Variants in NTM observed in about 807,000 individuals in gnomAD.
The protein encoded by NTM is IgLON family member 2.
A neutral mutation model predicts 42.1 loss-of-function variants in NTM; 13 were observed. The observed-to-expected ratio is 0.31, with a 90% CI of 0.20 to 0.49. The LOEUF (loss-of-function observed/expected upper bound fraction) is 0.49, where lower values mean the gene tolerates loss of function less well. Among genes scored for constraint, NTM ranks in the 20% least tolerant of loss-of-function variants. NTM has a pLI of 0.99. For synonymous variants in NTM, 187 were observed against 179.2 expected, an observed-to-expected ratio of 1.04 and a Z score of -0.35; for missense variants, 373 against 452.8, an observed-to-expected ratio of 0.82 and a Z score of 1.60.
intron 1 of NTM, among the ~76,000 whole-genome samples, chr11:131,563,353 A>T (rs2056467205): frequency 6.6e-6 from 1 of 152,190 alleles, no homozygotes; most frequent in Non-Finnish European, 1.5e-5. Flanking sequence ...ACCATTTGTC[A>T]AGGACGGCAC....
chr11:131,721,779 C>T (rs2078361936), intron 1 of NTM, among the ~76,000 whole-genome samples: 1 of 151,890 alleles, frequency 6.6e-6, no homozygotes, highest in Non-Finnish European at 1.5e-5. Context: ...GGAGGATCGT[C>T]TGAGGTCGGG....
At chr11:131,724,010 C>T (rs1360029657) in intron 1 of NTM, among the ~76,000 whole-genome samples, 1 of 152,162 alleles carries the variant, frequency 6.6e-6, no homozygotes, top group African/African-American at 2.4e-5. Context: ...CCCAGTTTAC[C>T]GTTCCTTTTC....
chr11:131,725,414 G>A (rs907150383), intron 1 of NTM, among the ~76,000 whole-genome samples: 3 of 152,128 alleles, frequency 2.0e-5, no homozygotes, highest in African/African-American at 7.2e-5. Context: ...AACAGGAAGG[G>A]TAGCCTTGGT....
intron 2 of NTM, among the ~76,000 whole-genome samples, chr11:131,996,780 C>T (rs1304302246): frequency 2.0e-5 from 3 of 152,108 alleles, no homozygotes; most frequent in Non-Finnish European, 2.9e-5. Flanking sequence ...GCTGCCAGCC[C>T]CCTCTGAGGC....
chr11:132,116,536 C>T lies in NTM; in HGVS notation c.168-29746C>T, dbSNP rs190057701. ...TGAGTGCCCGCACCTCTTCTCTGGA[C>T]TCTTACTGCATCTTGTACTTAACCA... On this transcript the variant is annotated intron_variant, in intron 2 of 8. Coordinates refer to ENST00000683400, the MANE Select transcript of NTM (RefSeq NM_001352005.2). Among the ~76,000 whole-genome samples, 7 of 152,316 alleles carry T rather than the reference C, an allele frequency of 4.6e-5. No individual in the cohort carries two copies. In the East Asian group the frequency reaches 1.4e-3, roughly 29 times the overall value.
At chr11:131,670,876 T>A (rs2070076886) in intron 1 of NTM, among the ~76,000 whole-genome samples, 1 of 152,164 alleles carries the variant, frequency 6.6e-6, no homozygotes, top group Admixed American at 6.5e-5. Flanking sequence ...GCTCCCTCTG[T>A]GAGCAATCCT....
In NTM at chr11:132,044,551, C is replaced by T. The variant is rs369360232; in HGVS notation, c.168-101731C>T. The stretch of plus-strand genomic sequence containing the variant: ...ATCTTCTCATGAGTCCATATATTTT[C>T]TTATTTCCATGTTCCTGAGGTGGCC... On this transcript the variant is annotated intron_variant, in intron 2 of 8. Coordinates refer to ENST00000683400, the MANE Select transcript of NTM (RefSeq NM_001352005.2). 1.1e-4 allele frequency among the ~76,000 whole-genome samples: 16 copies of T among 152,230 alleles called. No individual in the cohort carries two copies. The South Asian group carries it at 3.3e-3, about 32-fold the overall frequency.
chr11:132,142,522 C>T (rs1017813365), intron 2 of NTM, among the ~76,000 whole-genome samples: 2 of 152,056 alleles, frequency 1.3e-5, no homozygotes, highest in Non-Finnish European at 2.9e-5. Context: ...AGCGATGTGT[C>T]CTCTGCATTG....
chr11:131,749,335 A>G (rs1347346471), intron 1 of NTM, among the ~76,000 whole-genome samples: 1 of 152,224 alleles, frequency 6.6e-6, no homozygotes, highest in Non-Finnish European at 1.5e-5. Flanking sequence ...ATCCACTCCC[A>G]GGGCTGCTAT....
intron 1 of NTM, among the ~76,000 whole-genome samples, chr11:131,615,380 A>G (rs1401369029): frequency 6.6e-6 from 1 of 150,554 alleles, no homozygotes; most frequent in Non-Finnish European, 1.5e-5. Flanking sequence ...ATTTTTTTTT[A>G]TTTAGACGGA....
chr11:132,148,738 C>A (rs531403953), intron 3 of NTM, among the ~76,000 whole-genome samples: 1 of 152,228 alleles, frequency 6.6e-6, no homozygotes, highest in Admixed American at 6.5e-5. Flanking sequence ...CTTATTGAAG[C>A]AAATGGCTAG....
chr11:131,689,946 A>C lies in NTM; in HGVS notation c.83-221618A>C, dbSNP rs74915096. Among the ~76,000 whole-genome samples the C allele has an allele frequency of 5.3e-3, 807 of 152,314 alleles. 6 individuals are homozygous for C. Among genetic ancestry groups the C allele is most frequent in the Non-Finnish European group, 8.4e-3 (570 of 68,032 alleles). Reference sequence around the variant, plus strand: ...TGGCTCCCTCGTCCACATATGATGAAATTCTATGGGATAACCCTATGCTGT... The same window carrying C: ...TGGCTCCCTCGTCCACATATGATGACATTCTATGGGATAACCCTATGCTGT... On this transcript the variant is annotated intron_variant, in intron 1 of 8. Transcript: ENST00000683400.
intron 1 of NTM, among the ~76,000 whole-genome samples, chr11:131,404,052 AT>A (rs1945540544): frequency 6.6e-6 from 1 of 152,052 alleles, no homozygotes; most frequent in African/African-American, 2.4e-5. Flanking sequence ...CATATTTAAA[AT>A]GGCAACTGCA....
At chr11:131,743,404 T>C (rs1289295079) in intron 1 of NTM, among the ~76,000 whole-genome samples, 4 of 152,192 alleles carry the variant, frequency 2.6e-5, no homozygotes, top group Non-Finnish European at 1.5e-5. Context: ...AAAAAACTTA[T>C]TTTCCAGAAA....
At chr11:131,834,266 T>C (rs1287747733) in intron 1 of NTM, among the ~76,000 whole-genome samples, 1 of 152,150 alleles carries the variant, frequency 6.6e-6, no homozygotes, top group Non-Finnish European at 1.5e-5. Flanking sequence ...AGGGCCTCCT[T>C]CCTTCTCACT....
chr11:132,208,015 C>A (rs2082248912), intron 3 of NTM, among the ~76,000 whole-genome samples: 1 of 152,122 alleles, frequency 6.6e-6, no homozygotes, highest in Non-Finnish European at 1.5e-5. Context: ...TGGCACAATG[C>A]TGGCATATGG....
chr11:131,795,921 G>A lies in NTM; in HGVS notation c.83-115643G>A, dbSNP rs1591916386. 9 of 977,776 alleles carry A rather than the reference G, an allele frequency of 9.2e-6. No individual in the cohort carries two copies. The South Asian group carries it at 1.9e-4, about 21-fold the overall frequency. The allele number at this position is 977,776 out of a possible 1,614,324, so 60.6% of individuals were successfully genotyped here. A position where few individuals can be genotyped will look rare whatever the true frequency, so the allele number is the denominator to read the frequency against. On this transcript the variant is annotated intron_variant, in intron 1 of 8. Coordinates refer to ENST00000683400, the MANE Select transcript of NTM (RefSeq NM_001352005.2). ...GAGGGATCACTTTATTGGAGTAAGC[G>A]ATGCCTGAGCTGCAGCATGGAAGTG...
chr11:132,332,756 CT>C (rs746605685), intron 8 of NTM: 1 of 152,256 alleles, frequency 6.6e-6, no homozygotes, highest in Non-Finnish European at 1.5e-5. Flanking sequence ...TCAGCATTCC[CT>C]TACATGGTAA....
chr11:131,918,086 A>G (rs2056676528), intron 2 of NTM, among the ~76,000 whole-genome samples: 1 of 152,162 alleles, frequency 6.6e-6, no homozygotes, highest in Non-Finnish European at 1.5e-5. Flanking sequence ...AAAGGTTTGC[A>G]GAGAGCTGGG....
Sources: gnomAD v4.1 joint callset for allele counts (sites outside exome capture counted in the v4.1 genomes callset) on GRCh38, gnomAD v4.1.1 for gene constraint, MANE v1.5 for transcripts, NCBI Gene and HGNC (gene_info 2026-07-23, HGNC 2026-07-21) for gene names.